Variants in COL1A2 observed in about 807,000 individuals in gnomAD.
COL1A2 encodes collagen alpha-2(I) chain.
In COL1A2, 49 loss-of-function variants were observed where a neutral mutation model predicts 174.3. The observed-to-expected ratio is 0.28, with a 90% CI of 0.22 to 0.36. The LOEUF is 0.36. COL1A2 is among the 10% of genes least tolerant of loss of function. COL1A2 has a pLI of 1.00. For synonymous variants in COL1A2, 655 were observed against 606.6 expected (o/e 1.08, Z -1.17); for missense variants, 1,438 against 1,822.7 (o/e 0.79, Z 3.84).
chr7:94,404,015 T>C (rs2069395530), intron 6 of COL1A2, among the ~76,000 whole-genome samples: 1 of 152,198 alleles, frequency 6.6e-6, no homozygotes, highest in South Asian at 2.1e-4. Flanking sequence ...ACATCCACTT[T>C]TGTTTGACAT....
Position 94,399,103 on chromosome 7 carries a change from A to C in COL1A2, c.132+19A>C. ...AGAAAGGGTGTGTAATTTTTGAACT[A>C]TAAAGGGCTTCGTCCCGTATTTGAA... On this transcript the variant is annotated intron_variant, in intron 4 of 51. Coordinates refer to ENST00000297268, the MANE Select transcript of COL1A2 (RefSeq NM_000089.4). The C allele has an allele frequency of 6.2e-7, 1 of 1,612,444 alleles. No homozygotes were observed. Among genetic ancestry groups the C allele is most frequent in the Non-Finnish European group, 8.5e-7 (1 of 1,178,542 alleles).
intron 1 of COL1A2, 80 bp from the exon 2 acceptor site, chr7:94,397,668 C>T: frequency 1.3e-6 from 1 of 799,612 alleles, no homozygotes; most frequent in African/African-American, 1.7e-5. Flanking sequence ...AAACTTGTTT[C>T]TCTATTTGTT....
chr7:94,427,204 C>T lies in COL1A2; in HGVS notation c.3176C>T (p.Ser1059Phe). Residue 1059 changes from serine (S) to phenylalanine (F), a missense_variant, in exon 48 of 52, where the codon TCT becomes TTT. By Grantham distance (155) the Ser-to-Phe change is radical (BLOSUM62 -2). Transcript: ENST00000297268. Reference protein sequence around the residue: ...PAGPRGPAGPSGPAGKDGRTG... With the variant: ...PAGPRGPAGPFGPAGKDGRTG... ...CTTCCTTAGGGCCCTGCTGGTCCTT[C>T]TGGCCCTGCTGGAAAAGATGGTCGC... 6.2e-7 allele frequency: 1 copy of T among 1,614,062 alleles called. No individual in the cohort carries two copies. The highest frequency in any genetic ancestry group is 8.5e-7 in the Non-Finnish European group (1 of 1,179,984).
rs142352627 is a variant in COL1A2, at chr7:94,425,818, C to T, written c.2904C>T (p.Pro968=). 1,006 of 1,612,396 alleles carry T rather than the reference C, an allele frequency of 6.2e-4. No homozygotes were observed. The highest frequency in any genetic ancestry group is 1.1e-3 in the Admixed American group (63 of 59,818). Reference sequence around the variant, plus strand: ...CAGGTGCACCTGGTCCTCATGGCCCCGTGGGTCCTGCTGGCAAACATGGAA... The same window carrying T: ...CAGGTGCACCTGGTCCTCATGGCCCTGTGGGTCCTGCTGGCAAACATGGAA... ...GAAGAPGPHG[P]VGPAGKHGNR... The change falls in exon 44 of 52, where the codon CCC becomes CCT. Residue 968 remains proline, a synonymous_variant. Transcript: ENST00000297268.
At chr7:94,426,919 A>G in intron 46 of COL1A2, 89 bp from the exon 47 acceptor site, 2 of 1,168,508 alleles carry the variant, frequency 1.7e-6, no homozygotes, top group South Asian at 1.3e-5. Flanking sequence ...CCATTTAACT[A>G]AAGTTTCCCA....
In COL1A2 at chr7:94,423,103, A is replaced by T. The variant is rs764720520; in HGVS notation, c.2550A>T (p.Gly850=). Reference sequence around the variant, plus strand: ...TCGCTGGTGAGAAGGGTCCCTCTGGAGAGGCTGGTACTGCTGTAAGTGATT... The same window carrying T: ...TCGCTGGTGAGAAGGGTCCCTCTGGTGAGGCTGGTACTGCTGTAAGTGATT... ...PGFAGEKGPS[G]EAGTAGPPGT... is the part of the protein sequence containing the mutation. Residue 850 remains glycine (G), a synonymous_variant, in exon 40 of 52, where the codon GGA becomes GGT. Transcript: ENST00000297268. 3.7e-6 allele frequency: 6 copies of T among 1,614,074 alleles called. No individual in the cohort carries two copies. The Admixed American group carries it at 5.0e-5, about 13-fold the overall frequency.
chr7:94,413,608 G>A lies in COL1A2; in HGVS notation c.1558-82G>A, dbSNP rs554786193. 1.0e-5 allele frequency: 14 copies of A among 1,334,942 alleles called. No individual in the cohort carries two copies. In the East Asian group the frequency reaches 3.0e-4, roughly 28 times the overall value. The allele number at this position is 1,334,942 out of a possible 1,614,324, so 82.7% of individuals were successfully genotyped here. ...TGCTAAAATGACAAACTTGTTTTAA[G>A]GAAGTAATACCTGAGGCTTTGAGAC... is the stretch of plus-strand genomic sequence containing the variant. On this transcript the variant is annotated intron_variant, in intron 26 of 51. Coordinates refer to ENST00000297268, the MANE Select transcript of COL1A2 (RefSeq NM_000089.4).
chr7:94,418,809 C>A (rs569080211), intron 33 of COL1A2, among the ~76,000 whole-genome samples: 60 of 151,928 alleles, frequency 3.9e-4, no homozygotes, highest in African/African-American at 1.4e-3. Flanking sequence ...CAACTACAAA[C>A]TATAGACCAA....
chr7:94,426,347 T>G, intron 45 of COL1A2, 76 bp from the exon 46 acceptor site: 3 of 1,286,628 alleles, frequency 2.3e-6, no homozygotes, highest in Non-Finnish European at 3.3e-6. Context: ...GTAAACGAAT[T>G]AAGCAGTATT....
intron 5 of COL1A2, 38 bp from the exon 6 acceptor site, chr7:94,401,529 T>A (rs1244646085): frequency 1.9e-5 from 19 of 982,124 alleles, no homozygotes; most frequent in African/African-American, 3.6e-5. Context: ...TAAAAATATT[T>A]TATATATATA....
At chr7:94,425,391 G>C in intron 42 of COL1A2, 167 bp downstream of exon 42, 1 of 824,702 alleles carries the variant, frequency 1.2e-6, no homozygotes, top group Non-Finnish European at 2.0e-6. Flanking sequence ...TTAGGCCAAA[G>C]AATGGGCTTT....
chr7:94,411,175 G>C, intron 23 of COL1A2, 21 bp downstream of exon 23: 1 of 1,527,712 alleles, frequency 6.5e-7, no homozygotes, highest in Non-Finnish European at 8.9e-7. Flanking sequence ...AACTGATTCT[G>C]AGCAAATCAC....
At chr7:94,418,815 A>T (rs1193108744) in intron 33 of COL1A2, among the ~76,000 whole-genome samples, 1 of 151,956 alleles carries the variant, frequency 6.6e-6, no homozygotes. Flanking sequence ...CAAACTATAG[A>T]CCAAAAGCTT....
intron 51 of COL1A2, 169 bp downstream of exon 51, chr7:94,429,599 T>C (rs1792359139): frequency 1.6e-6 from 1 of 620,492 alleles, no homozygotes; most frequent in African/African-American, 1.8e-5. Context: ...TATATTTATT[T>C]ATTTATACGT....
At chr7:94,413,981 T>C in intron 28 of COL1A2, 34 bp downstream of exon 28, 1 of 1,582,192 alleles carries the variant, frequency 6.3e-7, no homozygotes, top group Non-Finnish European at 8.7e-7. Context: ...ATACTGCCTT[T>C]GGTCAGCCTA....
chr7:94,426,057 T>A lies in COL1A2; in HGVS notation c.2997+6T>A, dbSNP rs1584330154. The A allele has an allele frequency of 3.7e-6, 6 of 1,612,720 alleles. No individual in the cohort carries two copies. The highest frequency in any genetic ancestry group is 5.1e-6 in the Non-Finnish European group (6 of 1,178,692). On this transcript the variant is annotated splice_donor_region_variant and intron_variant, in intron 45 of 51. Transcript: ENST00000297268. ...TTGGCCCAAGAGGTCCTAGTGTATG[T>A]ACATGCTGAAGATTTCTTTGCAACA...
rs776343950 is a variant in COL1A2, at chr7:94,405,708, T to C, written c.522T>C (p.Pro174=). Residue 174 remains proline (P), a synonymous_variant, in exon 11 of 52, where the codon CCT becomes CCC. Coordinates refer to ENST00000297268, the MANE Select transcript of COL1A2 (RefSeq NM_000089.4). ...GTTTCCCTGGAACTCCTGGACTTCC[T>C]GGCTTCAAAGGCATTAGGGTGAGCA... ...ARGFPGTPGL[P]GFKGIRGHNG... is the part of the protein sequence containing the mutation. The C allele has an allele frequency of 6.2e-7, 1 of 1,613,834 alleles. No individual in the cohort carries two copies. Among genetic ancestry groups the C allele is most frequent in the South Asian group, 1.1e-5 (1 of 91,078 alleles).
intron 39 of COL1A2, chr7:94,422,156 A>T: frequency 2.1e-6 from 1 of 482,100 alleles, no homozygotes; most frequent in Non-Finnish European, 3.7e-6. Context: ...GCTTTTATTC[A>T]TGTGAACACC....
Position 94,404,863 on chromosome 7 carries a change from G to C in COL1A2, c.403G>C (p.Ala135Pro). Residue 135 changes from alanine to proline, a missense_variant, in exon 9 of 52, where the codon GCT (alanine) becomes CCT (proline). Ala to Pro is a conservative substitution (Grantham distance 27). Transcript: ENST00000297268. Reference sequence around the variant, plus strand: ...GGGTCCTGCAGGTGCTCGTGGTCCAGCTGGCCCTCCTGGCAAGGCTGGTGA... The same window carrying C: ...GGGTCCTGCAGGTGCTCGTGGTCCACCTGGCCCTCCTGGCAAGGCTGGTGA... ...QTGPAGARGPAGPPGKAGEDG... is the reference protein window; with the variant it reads ...QTGPAGARGPPGPPGKAGEDG... The C allele has an allele frequency of 6.2e-7, 1 of 1,614,034 alleles. No homozygotes were observed. The highest frequency in any genetic ancestry group is 8.5e-7 in the Non-Finnish European group (1 of 1,179,986).
Sources: allele counts gnomAD v4.1 joint callset (sites outside exome capture counted in the v4.1 genomes callset), GRCh38; gene constraint gnomAD v4.1.1; transcripts MANE v1.5; gene names NCBI Gene and HGNC (gene_info 2026-07-23, HGNC 2026-07-21).